REDIC1: variants seen among roughly 807,000 people sequenced by gnomAD.
REDIC1 encodes HEI10 Interacting Protein 1.
the REDIC1 span, among the ~76,000 whole-genome samples, chr12:39,835,345 T>A: frequency 6.6e-6 from 1 of 152,090 alleles, no homozygotes; most frequent in Non-Finnish European, 1.5e-5. Context: ...CTTAACAGTG[T>A]AAAAACCTAT....
At chr12:39,859,333 G>GA in the REDIC1 span, among the ~76,000 whole-genome samples, 106 of 62,028 alleles carry the variant, frequency 1.7e-3, 2 homozygotes, top group South Asian at 3.5e-3. Flanking sequence ...TTTTTTTTCT[G>GA]AAAAAAAAAA....
At chr12:39,697,367 A>G in the REDIC1 span, among the ~76,000 whole-genome samples, 1 of 152,244 alleles carries the variant, frequency 6.6e-6, no homozygotes, top group East Asian at 1.9e-4. Context: ...TACTAAAAGG[A>G]GTACTTCAGT....
the REDIC1 span, among the ~76,000 whole-genome samples, chr12:39,641,324 A>G: frequency 6.6e-6 from 1 of 151,798 alleles, no homozygotes; most frequent in South Asian, 2.1e-4. Flanking sequence ...TACTACTTCC[A>G]TTTATTTTGT....
chr12:39,789,443 T>G, the REDIC1 span, among the ~76,000 whole-genome samples: 4 of 152,322 alleles, frequency 2.6e-5, no homozygotes, highest in Admixed American at 1.3e-4. Context: ...TTATCCCTGA[T>G]GTATACATCC....
the REDIC1 span, among the ~76,000 whole-genome samples, chr12:39,809,432 A>G: frequency 1.6e-4 from 25 of 152,100 alleles, no homozygotes; most frequent in African/African-American, 5.3e-4. Context: ...TTTTTTATAG[A>G]ACTGTTTATA....
chr12:39,679,534 G>T, the REDIC1 span, among the ~76,000 whole-genome samples: 3 of 152,290 alleles, frequency 2.0e-5, no homozygotes, highest in Non-Finnish European at 4.4e-5. Flanking sequence ...GATCATGGAT[G>T]TGTAGAATTA....
chr12:39,641,902 T>A, the REDIC1 span, among the ~76,000 whole-genome samples: 1 of 151,796 alleles, frequency 6.6e-6, no homozygotes, highest in South Asian at 2.1e-4. Flanking sequence ...CTTGCTAAAG[T>A]CAACAATGAA....
chr12:39,682,905 GGGAGATACTT>G, the REDIC1 span: 1 of 1,612,598 alleles, frequency 6.2e-7, no homozygotes, highest in Admixed American at 1.7e-5. Flanking sequence ...ATGATAGTAT[GGGAGATACTT>G]GTGTAGTCAC....
chr12:39,830,541 T>C, the REDIC1 span: 1 of 1,015,526 alleles, frequency 9.8e-7, no homozygotes, highest in Non-Finnish European at 1.2e-6. Context: ...CCTAAACCAC[T>C]GAGATTTGTT....
the REDIC1 span, among the ~76,000 whole-genome samples, chr12:39,816,069 G>C: frequency 1.9e-4 from 29 of 152,258 alleles, no homozygotes; most frequent in African/African-American, 6.5e-4. Flanking sequence ...AATCGATGAG[G>C]CACATAATAT....
chr12:39,703,293 GACAA>G, the REDIC1 span, among the ~76,000 whole-genome samples: 2 of 150,154 alleles, frequency 1.3e-5, no homozygotes, highest in South Asian at 2.1e-4. Context: ...ACCAACAACA[GACAA>G]ACAGAGAGCC....
At chr12:39,638,581 C>T in the REDIC1 span, among the ~76,000 whole-genome samples, 1 of 151,988 alleles carries the variant, frequency 6.6e-6, no homozygotes, top group East Asian at 1.9e-4. Flanking sequence ...AGAATTCTGA[C>T]TGATGCACTC....
the REDIC1 span, among the ~76,000 whole-genome samples, chr12:39,738,113 C>A: frequency 3.4e-4 from 52 of 152,144 alleles, no homozygotes; most frequent in Non-Finnish European, 1.8e-4. Context: ...TATCGGAAGT[C>A]TTTTCTAATG....
chr12:39,681,359 T>G, the REDIC1 span, among the ~76,000 whole-genome samples: 25 of 152,114 alleles, frequency 1.6e-4, no homozygotes, highest in African/African-American at 5.3e-4. Context: ...GACTATACAT[T>G]GGGTACAGTG....
the REDIC1 span, among the ~76,000 whole-genome samples, chr12:39,710,102 C>A: frequency 6.6e-6 from 1 of 151,800 alleles, no homozygotes; most frequent in African/African-American, 2.4e-5. Context: ...TTTGGACCAT[C>A]TTAGCATTCC....
the REDIC1 span, among the ~76,000 whole-genome samples, chr12:39,766,316 C>T: frequency 6.6e-6 from 1 of 152,082 alleles, no homozygotes; most frequent in African/African-American, 2.4e-5. Context: ...TTTCCCACTA[C>T]ATATAAAAGT....
chr12:39,814,684 C>A, the REDIC1 span, among the ~76,000 whole-genome samples: 2 of 152,156 alleles, frequency 1.3e-5, no homozygotes, highest in Non-Finnish European at 2.9e-5. Flanking sequence ...CATACAATTA[C>A]GTCTGCTATC....
chr12:39,725,433 C>A, the REDIC1 span, among the ~76,000 whole-genome samples: 3 of 152,076 alleles, frequency 2.0e-5, no homozygotes, highest in East Asian at 3.9e-4. Flanking sequence ...GCTTTTCAAC[C>A]CATATGCTCA....
chr12:39,892,173 G>A, the REDIC1 span, among the ~76,000 whole-genome samples: 10 of 152,336 alleles, frequency 6.6e-5, no homozygotes, highest in Admixed American at 2.0e-4. Flanking sequence ...AAAAGAGCTT[G>A]AGCAGAGAAG....
Sources: gnomAD v4.1 joint callset for allele counts (sites outside exome capture counted in the v4.1 genomes callset) on GRCh38, gnomAD v4.1.1 for gene constraint, MANE v1.5 for transcripts, NCBI Gene and HGNC (gene_info 2026-07-23, HGNC 2026-07-21) for gene names.